PCDHGB3: variants seen among roughly 807,000 people sequenced by gnomAD.
The protein encoded by PCDHGB3 is protocadherin gamma subfamily B, 3, also known as protocadherin gamma-B3.
PCDHGB3 carries 40 observed loss-of-function variants against 59.2 expected under a neutral mutation model. The observed-to-expected ratio is 0.68, with a 90% CI of 0.52 to 0.88. The LOEUF (loss-of-function observed/expected upper bound fraction) is 0.88, where lower values mean the gene tolerates loss of function less well. Among genes scored for constraint, PCDHGB3 ranks in the 40% least tolerant of loss-of-function variants. The pLI is 0.00. For synonymous variants in PCDHGB3, 581 were observed against 503.6 expected (o/e 1.15, Z -2.06); for missense variants, 1,309 against 1,187.9 (o/e 1.10, Z -1.50).
At chr5:141,382,133 T>C (rs1420684997) in intron 1 of PCDHGB3, among the ~76,000 whole-genome samples, 3 of 152,068 alleles carry the variant, frequency 2.0e-5, no homozygotes, top group Admixed American at 6.6e-5. Context: ...TGGCCCCCCC[T>C]CTCATTTTTT....
intron 1 of PCDHGB3, chr5:141,415,466 C>T (rs1187128064): frequency 6.2e-7 from 1 of 1,614,224 alleles, no homozygotes. Flanking sequence ...GTCTCTCTCA[C>T]CGCGGACTCG....
At chr5:141,383,843 A>T in intron 1 of PCDHGB3, 1 of 1,613,970 alleles carries the variant, frequency 6.2e-7, no homozygotes, top group Non-Finnish European at 8.5e-7. Context: ...ACTGCCTTCT[A>T]TGAAATGGAG....
intron 1 of PCDHGB3, chr5:141,384,902 T>A: frequency 3.1e-6 from 5 of 1,613,898 alleles, no homozygotes; most frequent in Non-Finnish European, 4.2e-6. Flanking sequence ...GCTGACAGCA[T>A]CCCCGAAGTC....
rs762783104 is a variant in PCDHGB3 at position 141,485,601 on chromosome 5, G to A, written c.2416-9206G>A. 4.3e-6 allele frequency: 7 copies of A among 1,612,290 alleles called. No homozygotes were observed. The highest frequency in any genetic ancestry group is 5.9e-6 in the Non-Finnish European group (7 of 1,178,722). On this transcript the variant is annotated intron_variant, in intron 1 of 3. Transcript: ENST00000576222. The surrounding 1 kb of genome is among the most constrained non-coding windows in gnomAD (Gnocchi z 5.7). ...CGGCAGCAGCTGGACTTGGAAATTG[G>A]GGAGGCAGCTCCTCCAGGACAGCGT...
In PCDHGB3 at chr5:141,487,737, T is replaced by G. The variant is rs1019622307; in HGVS notation, c.2416-7070T>G. 1 of 1,563,758 alleles carries G rather than the reference T, an allele frequency of 6.4e-7. No homozygotes were observed. The highest frequency in any genetic ancestry group is 8.7e-7 in the Non-Finnish European group (1 of 1,152,772). On this transcript the variant is annotated intron_variant, in intron 1 of 3. Transcript: ENST00000576222. This position sits in a 1 kb window ranked among gnomAD's most constrained non-coding sequence, Gnocchi z 5.0. ...GCCCATAGTGATGTCACCATTTTTG[T>G]AAGAGGTAACTATGTGGTAGACGCT...
chr5:141,470,738 C>T lies in PCDHGB3; in HGVS notation c.2416-24069C>T, dbSNP rs117476356. On this transcript the variant is annotated intron_variant, in intron 1 of 3. Transcript: ENST00000576222. ...TTTGAGTCAGGGTCTTGCTCTGTCG[C>T]CCTGGCTGGAGTGCAGTGGACTCAC... Among the ~76,000 whole-genome samples the T allele has an allele frequency of 1.9e-3, 295 of 152,226 alleles. 7 individuals carry two copies. In the East Asian group the frequency reaches 0.046, roughly 24 times the overall value.
chr5:141,482,546 A>G (rs1489817593), intron 1 of PCDHGB3, among the ~76,000 whole-genome samples: 1 of 151,868 alleles, frequency 6.6e-6, no homozygotes, highest in Non-Finnish European at 1.5e-5. Context: ...AAAAAAAAAA[A>G]AAAGATAATG....
intron 1 of PCDHGB3, among the ~76,000 whole-genome samples, chr5:141,482,755 T>TGAAGTGGGAGAATTGCTTGAGCCTGGG (rs1554165462): frequency 6.3e-5 from 9 of 143,570 alleles, no homozygotes; most frequent in African/African-American, 1.4e-4. Context: ...GGGATTATGG[T>TGAAGTGGGAGAATTGCTTGAGCCTGGG]ATTTCATTAT....
chr5:141,495,010 G>A (rs1327870362), intron 2 of PCDHGB3, 145 bp downstream of exon 2: 6 of 1,516,970 alleles, frequency 4.0e-6, no homozygotes, highest in Non-Finnish European at 5.3e-6. Context: ...GTGTGCGGGG[G>A]GCTGGCACAC....
intron 1 of PCDHGB3, among the ~76,000 whole-genome samples, chr5:141,481,749 C>T (rs958851030): frequency 6.6e-6 from 1 of 151,976 alleles, no homozygotes; most frequent in Non-Finnish European, 1.5e-5. Context: ...GTCAGGAGTC[C>T]AAGACCAGCC....
chr5:141,431,053 G>A lies in PCDHGB3; in HGVS notation c.2415+58244G>A, dbSNP rs1208370015. On this transcript the variant is annotated intron_variant, in intron 1 of 3. Coordinates refer to ENST00000576222, the MANE Select transcript of PCDHGB3 (RefSeq NM_018924.5). This position sits in a 1 kb window ranked among gnomAD's most constrained non-coding sequence, Gnocchi z 4.8. ...TAGACCGGGAGGAGCTCTGTATGGG[G>A]GCCATCAAGTGTCAATTAAATCTAG... 1 of 1,614,174 alleles carries A rather than the reference G, an allele frequency of 6.2e-7. No homozygotes were observed. Among genetic ancestry groups the A allele is most frequent in the Admixed American group, 1.7e-5 (1 of 60,030 alleles).
chr5:141,423,253 C>G (rs750278899), intron 1 of PCDHGB3: 1 of 1,613,916 alleles, frequency 6.2e-7, no homozygotes, highest in Admixed American at 1.7e-5. Flanking sequence ...CCTGGCGGAC[C>G]TCGGCAGCCT....
chr5:141,394,444 G>A (rs2093001580), intron 1 of PCDHGB3: 1 of 1,614,228 alleles, frequency 6.2e-7, no homozygotes, highest in Non-Finnish European at 8.5e-7. Context: ...CCCCTCAGCA[G>A]CAACATGTCA....
chr5:141,498,042 A>G (rs1189035278), intron 2 of PCDHGB3, among the ~76,000 whole-genome samples: 2 of 152,238 alleles, frequency 1.3e-5, no homozygotes, highest in Non-Finnish European at 2.9e-5. Flanking sequence ...AATAATTACA[A>G]AAATAAATGT....
At chr5:141,429,329 A>G (rs1561840804) in intron 1 of PCDHGB3, among the ~76,000 whole-genome samples, 1 of 152,122 alleles carries the variant, frequency 6.6e-6, no homozygotes, top group Non-Finnish European at 1.5e-5. Flanking sequence ...TCTTTAATCC[A>G]TTAACTATAA....
chr5:141,497,211 G>T (rs914346878), intron 2 of PCDHGB3, among the ~76,000 whole-genome samples: 12 of 28,538 alleles, frequency 4.2e-4, no homozygotes, highest in African/African-American at 1.1e-3. Context: ...GAGTGTAATG[G>T]GGGGGGGAAG....
At chr5:141,421,351 A>G in intron 1 of PCDHGB3, 2 of 1,613,988 alleles carry the variant, frequency 1.2e-6, no homozygotes, top group Non-Finnish European at 1.7e-6. Flanking sequence ...AGAGACCGAA[A>G]AGGGCTCCTT....
chr5:141,470,242 T>G (rs1301513342), intron 1 of PCDHGB3, among the ~76,000 whole-genome samples: 1 of 152,226 alleles, frequency 6.6e-6, no homozygotes, highest in African/African-American at 2.4e-5. Flanking sequence ...CCCTTGAATG[T>G]CCCACCTGTC....
At chr5:141,387,529 T>C (rs933925608) in intron 1 of PCDHGB3, among the ~76,000 whole-genome samples, 2 of 152,236 alleles carry the variant, frequency 1.3e-5, no homozygotes, top group East Asian at 1.9e-4. Flanking sequence ...TACAGACGTA[T>C]CCACGTAGTT....
Sources: gnomAD v4.1 joint callset for allele counts (sites outside exome capture counted in the v4.1 genomes callset) on GRCh38, gnomAD v4.1.1 for gene constraint, Gnocchi (gnomAD v3.1) non-coding constraint, MANE v1.5 for transcripts, NCBI Gene and HGNC (gene_info 2026-07-23, HGNC 2026-07-21) for gene names.